The following ADARB1 variants were observed in gnomAD, a reference collection of about 807,000 sequenced individuals.
ADARB1 encodes double-stranded RNA-specific editase 1.
In ADARB1, 10 loss-of-function variants were observed where a neutral mutation model predicts 52.4. That is an observed-to-expected ratio of 0.19 (90% CI 0.12 to 0.32). The LOEUF is 0.32. Among genes scored for constraint, ADARB1 ranks in the 10% least tolerant of loss-of-function variants. The probability of loss-of-function intolerance (pLI) is 1.00; values close to 1 mark genes in which losing one functional copy is unlikely to be tolerated. For missense variants in ADARB1, 643 were observed against 922.3 expected, an observed-to-expected ratio of 0.70 and a Z score of 3.92; for synonymous variants, 349 against 371.1, an observed-to-expected ratio of 0.94 and a Z score of 0.68.
At chr21:45,086,582 T>A (rs943458910) in intron 1 of ADARB1, among the ~76,000 whole-genome samples, 1 of 152,248 alleles carries the variant, frequency 6.6e-6, no homozygotes. Context: ...AAGCAGCTCA[T>A]GTCCTGTGTC....
At chr21:45,186,942 G>A (rs1360654164) in intron 8 of ADARB1, among the ~76,000 whole-genome samples, 1 of 152,126 alleles carries the variant, frequency 6.6e-6, no homozygotes, top group African/African-American at 2.4e-5. Context: ...TTTGTAATAT[G>A]TTTTGAAATG....
intron 1 of ADARB1, among the ~76,000 whole-genome samples, chr21:45,126,537 C>T (rs1047156425): frequency 2.6e-5 from 4 of 152,194 alleles, no homozygotes; most frequent in Non-Finnish European, 5.9e-5. Flanking sequence ...CTCACGGCAC[C>T]ATCTGCGGCG....
intron 1 of ADARB1, among the ~76,000 whole-genome samples, chr21:45,077,093 C>G (rs1341395453): frequency 6.6e-6 from 1 of 152,132 alleles, no homozygotes; most frequent in Admixed American, 6.5e-5. Context: ...ATATGACAAA[C>G]CTTGCTATAG....
At chr21:45,134,874 C>T (rs752130802) in intron 2 of ADARB1, 1 of 528,618 alleles carries the variant, frequency 1.9e-6, no homozygotes, top group Non-Finnish European at 3.9e-6. Context: ...CACCCAGCAC[C>T]ACACCCCTGG....
rs745638427 is a variant in ADARB1, at chr21:45,182,581, T to C, written c.1079-4T>C. ...AAAATAGTGTCTCTTTTTTTTTTTT[T>C]CAGGCACAGATGTTAAAGATGCCAA... On this transcript the variant is annotated splice_polypyrimidine_tract_variant and splice_region_variant and intron_variant, in intron 5 of 10. Coordinates refer to ENST00000348831, the MANE Select transcript of ADARB1 (RefSeq NM_001112.4). 1.1e-5 allele frequency: 18 copies of C among 1,579,668 alleles called. No individual in the cohort carries two copies. Among genetic ancestry groups the C allele is most frequent in the Non-Finnish European group, 1.5e-5 (18 of 1,170,932 alleles).
intron 2 of ADARB1, among the ~76,000 whole-genome samples, chr21:45,137,592 G>A (rs1247326482): frequency 1.3e-5 from 2 of 152,260 alleles, no homozygotes; most frequent in Non-Finnish European, 2.9e-5. Flanking sequence ...AGAGGACGGT[G>A]TGAGGATGTC....
At chr21:45,192,585 G>A (rs866907565) in intron 8 of ADARB1, among the ~76,000 whole-genome samples, 11 of 152,154 alleles carry the variant, frequency 7.2e-5, no homozygotes, top group Admixed American at 5.9e-4. Context: ...TGAGACCACC[G>A]GGCTATAAGA....
chr21:45,192,843 A>G (rs1448973009), intron 8 of ADARB1, among the ~76,000 whole-genome samples: 1 of 152,254 alleles, frequency 6.6e-6, no homozygotes, highest in Non-Finnish European at 1.5e-5. Context: ...TGAAATGGAC[A>G]TATTTCCTGA....
intron 1 of ADARB1, among the ~76,000 whole-genome samples, chr21:45,091,948 G>A (rs2086576506): frequency 6.6e-6 from 1 of 152,182 alleles, no homozygotes; most frequent in South Asian, 2.1e-4. Flanking sequence ...TCTTTAATAT[G>A]AAAATCAGTG....
intron 1 of ADARB1, among the ~76,000 whole-genome samples, chr21:45,118,076 A>G (rs1012278488): frequency 3.3e-5 from 5 of 152,236 alleles, no homozygotes; most frequent in African/African-American, 4.8e-5. Context: ...ACATTTTAAT[A>G]TAAGAAAAGT....
chr21:45,136,553 A>G (rs1343080188), intron 2 of ADARB1, among the ~76,000 whole-genome samples: 2 of 152,220 alleles, frequency 1.3e-5, no homozygotes, highest in Non-Finnish European at 2.9e-5. Flanking sequence ...CTTTAACAAC[A>G]AACATGTACT....
chr21:45,166,173 C>G (rs2146079183), intron 2 of ADARB1, among the ~76,000 whole-genome samples: 1 of 152,110 alleles, frequency 6.6e-6, no homozygotes, highest in Middle Eastern at 3.4e-3. Context: ...TGCTCATTGT[C>G]CAAAGTTGAT....
In ADARB1 at chr21:45,172,811, C is replaced by A. The variant is rs564366884; in HGVS notation, c.28+1127C>A. ...CACTTCCGCTGTTGTGTGCGCAGCC[C>A]GTGCCTGCCTGCTGGTGATTGTTTT... is the stretch of plus-strand genomic sequence containing the variant. On this transcript the variant is annotated intron_variant, in intron 3 of 10. Transcript: ENST00000348831. The surrounding 1 kb of genome is among the most constrained non-coding windows in gnomAD (Gnocchi z 4.4). Among the ~76,000 whole-genome samples, 125 of 152,280 alleles carry A rather than the reference C, an allele frequency of 8.2e-4. 2 individuals are homozygous for A. Among genetic ancestry groups the A allele is most frequent in the South Asian group, 3.5e-3 (17 of 4,826 alleles).
At chr21:45,140,433 G>T (rs745485756) in intron 2 of ADARB1, among the ~76,000 whole-genome samples, 2 of 152,158 alleles carry the variant, frequency 1.3e-5, no homozygotes, top group Non-Finnish European at 2.9e-5. Flanking sequence ...GTACAGGTCC[G>T]CCCCTGGCAG....
At position 45,220,751 on chromosome 21, in the gene ADARB1, C is replaced by T. The variant is rs1281497734; in HGVS notation, c.1748-85C>T. 1 of 1,463,500 alleles carries T rather than the reference C, an allele frequency of 6.8e-7. No individual in the cohort carries two copies. The highest frequency in any genetic ancestry group is 2.3e-5 in the East Asian group (1 of 43,736). 90.7% of individuals were successfully genotyped at this position (1,463,500 alleles called of 1,614,324 possible). A position where few individuals can be genotyped will look rare whatever the true frequency, so the allele number is the denominator to read the frequency against. On this transcript the variant is annotated intron_variant, in intron 9 of 10. Coordinates refer to ENST00000348831, the MANE Select transcript of ADARB1 (RefSeq NM_001112.4). This position sits in a 1 kb window ranked among gnomAD's most constrained non-coding sequence, Gnocchi z 6.3. ...CCACCACGCACTTCTGTGGCCATGTCTGAGCACAGTGTGCCGCCCGTGGCT... is the reference window on the plus strand; with the variant it reads ...CCACCACGCACTTCTGTGGCCATGTTTGAGCACAGTGTGCCGCCCGTGGCT...
At chr21:45,168,754 T>G (rs922197292) in intron 2 of ADARB1, among the ~76,000 whole-genome samples, 1 of 152,204 alleles carries the variant, frequency 6.6e-6, no homozygotes, top group Non-Finnish European at 1.5e-5. Context: ...ATTTTTTTTT[T>G]ATGGTGGTTA....
chr21:45,103,769 C>T (rs1030532916), intron 1 of ADARB1, among the ~76,000 whole-genome samples: 3 of 152,280 alleles, frequency 2.0e-5, no homozygotes, highest in Admixed American at 2.0e-4. Flanking sequence ...CTTTCTGTCA[C>T]ATCTGCTCAA....
At chr21:45,097,651 T>A (rs1453643269) in intron 1 of ADARB1, among the ~76,000 whole-genome samples, 1 of 151,900 alleles carries the variant, frequency 6.6e-6, no homozygotes, top group Non-Finnish European at 1.5e-5. Flanking sequence ...TGTGGCAAGG[T>A]GGAAGGCAGT....
In ADARB1 at chr21:45,164,306, G is replaced by A. The variant is rs1344828139; in HGVS notation, c.-47-7304G>A. 2.0e-5 allele frequency among the ~76,000 whole-genome samples: 3 copies of A among 152,130 alleles called. No homozygotes were observed. The East Asian group carries it at 5.8e-4, about 29-fold the overall frequency. On this transcript the variant is annotated intron_variant, in intron 2 of 10. Coordinates refer to ENST00000348831, the MANE Select transcript of ADARB1 (RefSeq NM_001112.4). ...ACAGGGCCTGAAGTAGGCCACGAAAGCCCCAAGTTTGCCCCTGCGTTGGCA... is the reference window on the plus strand; with the variant it reads ...ACAGGGCCTGAAGTAGGCCACGAAAACCCCAAGTTTGCCCCTGCGTTGGCA...
Sources: allele counts gnomAD v4.1 joint callset (sites outside exome capture counted in the v4.1 genomes callset), GRCh38; gene constraint gnomAD v4.1.1; non-coding constraint Gnocchi (gnomAD v3.1); transcripts MANE v1.5; gene names NCBI Gene and HGNC (gene_info 2026-07-23, HGNC 2026-07-21).